The following NSRP1 variants were observed in gnomAD, a reference collection of about 807,000 sequenced individuals.
The protein encoded by NSRP1 is coiled-coil domain containing 55.
Under a neutral mutation model 54.7 loss-of-function variants are expected in NSRP1, and 24 were observed. The observed-to-expected ratio is 0.44, with a 90% CI of 0.32 to 0.62. The LOEUF (loss-of-function observed/expected upper bound fraction) is 0.62. Among genes scored for constraint, NSRP1 ranks in the 20% least tolerant of loss-of-function variants. The pLI is 0.06. For synonymous variants in NSRP1, 210 were observed against 213.8 expected (o/e 0.98, Z 0.15); for missense variants, 596 against 651.2 (o/e 0.92, Z 0.92).
chr17:30,126,652 G>A (rs2071652323), intron 2 of NSRP1, among the ~76,000 whole-genome samples: 1 of 152,176 alleles, frequency 6.6e-6, no homozygotes, highest in Admixed American at 6.5e-5. Context: ...GCAGTGGTGC[G>A]ATTTTGGGTC....
At chr17:30,146,360 C>A (rs1567796118) in intron 2 of NSRP1, among the ~76,000 whole-genome samples, 2 of 152,154 alleles carry the variant, frequency 1.3e-5, no homozygotes, top group East Asian at 1.9e-4. Flanking sequence ...TAAGGAACTA[C>A]ATGTAAGTGT....
intron 2 of NSRP1, among the ~76,000 whole-genome samples, chr17:30,143,225 C>T (rs555561661): frequency 2.0e-5 from 3 of 152,200 alleles, no homozygotes; most frequent in South Asian, 4.1e-4. Context: ...CATCTCACTC[C>T]TGAATTTATC....
rs562512421 is a variant in NSRP1 at position 30,124,306 on chromosome 17, A to G, written c.114+6133A>G. Among the ~76,000 whole-genome samples the G allele has an allele frequency of 2.0e-5, 3 of 152,308 alleles. No individual in the cohort carries two copies. In the East Asian group the frequency reaches 5.8e-4, roughly 29 times the overall value. On this transcript the variant is annotated intron_variant, in intron 2 of 6. Coordinates refer to ENST00000247026, the MANE Select transcript of NSRP1 (RefSeq NM_032141.4). ...CGATATGAAATGACCACAACATACC[A>G]CAGTTTGAGAAGGATGGGTTTACAC...
intron 2 of NSRP1, among the ~76,000 whole-genome samples, chr17:30,171,970 A>C (rs1042154875): frequency 5.2e-3 from 516 of 98,958 alleles, no homozygotes; most frequent in East Asian, 9.3e-3. Context: ...ACACACACAC[A>C]CACTCCCTCT....
chr17:30,145,497 C>T (rs1328311655), intron 2 of NSRP1, among the ~76,000 whole-genome samples: 5 of 152,072 alleles, frequency 3.3e-5, no homozygotes, highest in Admixed American at 1.3e-4. Flanking sequence ...GCAGGAGAAT[C>T]GCTTGAATCC....
At chr17:30,171,956 A>T in intron 2 of NSRP1, among the ~76,000 whole-genome samples, 1 of 134,780 alleles carries the variant, frequency 7.4e-6, no homozygotes, top group Non-Finnish European at 1.6e-5. Context: ...ACACACACAC[A>T]CACACACACA....
At chr17:30,130,829 C>G (rs181666280) in intron 2 of NSRP1, among the ~76,000 whole-genome samples, 1 of 152,068 alleles carries the variant, frequency 6.6e-6, no homozygotes, top group Non-Finnish European at 1.5e-5. Context: ...TTGAAATTTA[C>G]TGTCATCCAT....
chr17:30,128,539 A>G (rs917874659), intron 2 of NSRP1, among the ~76,000 whole-genome samples: 4 of 152,190 alleles, frequency 2.6e-5, no homozygotes, highest in African/African-American at 7.2e-5. Context: ...AGCAATTCCA[A>G]AAATTAGTAT....
chr17:30,149,300 T>C lies in NSRP1; in HGVS notation c.115-23242T>C, dbSNP rs545544181. Reference sequence around the variant, plus strand: ...CTTGGTCTCGAGTGATCCTCCAACCTTGGCCTCCCAGAGTGTTGGGATTAC... The same window carrying C: ...CTTGGTCTCGAGTGATCCTCCAACCCTGGCCTCCCAGAGTGTTGGGATTAC... On this transcript the variant is annotated intron_variant, in intron 2 of 6. Transcript: ENST00000247026. 2.6e-5 allele frequency among the ~76,000 whole-genome samples: 4 copies of C among 152,242 alleles called. No homozygotes were observed. The South Asian group carries it at 8.3e-4, about 32-fold the overall frequency.
intron 2 of NSRP1, among the ~76,000 whole-genome samples, chr17:30,142,138 C>A (rs958056695): frequency 1.3e-5 from 2 of 152,136 alleles, no homozygotes; most frequent in African/African-American, 4.8e-5. Flanking sequence ...CTCGTCCAAC[C>A]TTAATTCTTT....
chr17:30,120,130 TA>T (rs991009643), intron 2 of NSRP1, among the ~76,000 whole-genome samples: 3 of 152,004 alleles, frequency 2.0e-5, no homozygotes, highest in African/African-American at 7.2e-5. Context: ...GAATTTCATA[TA>T]AAAAAAATCA....
At chr17:30,159,358 T>TGTG (rs1567800555) in intron 2 of NSRP1, among the ~76,000 whole-genome samples, 9 of 151,794 alleles carry the variant, frequency 5.9e-5, no homozygotes, top group African/African-American at 1.9e-4. Context: ...GAGGTTTTTT[T>TGTG]TGTGTGTGTG....
chr17:30,181,006 C>G lies in NSRP1; in HGVS notation c.607C>G (p.Arg203Gly). Residue 203 changes from arginine to glycine, a missense_variant, in exon 6 of 7, where the codon CGT becomes GGT. Arg to Gly is a moderately radical substitution (Grantham distance 125). Coordinates refer to ENST00000247026, the MANE Select transcript of NSRP1 (RefSeq NM_032141.4). The stretch of plus-strand genomic sequence containing the variant: ...AGAGGAAGTACCTAAATGCAGCTTT[C>G]GTGAAGCCAGGTGAGGAGACGTGTA... ...GEEEVPKCSF[R>G]EARSGIKEEK... 6.2e-7 allele frequency: 1 copy of G among 1,602,670 alleles called. No homozygotes were observed.
chr17:30,162,225 T>A (rs1904545209), intron 2 of NSRP1, among the ~76,000 whole-genome samples: 1 of 152,050 alleles, frequency 6.6e-6, no homozygotes, highest in Non-Finnish European at 1.5e-5. Flanking sequence ...AGAGATGGGG[T>A]TTCGCTGTTT....
At chr17:30,154,884 G>A (rs894806349) in intron 2 of NSRP1, among the ~76,000 whole-genome samples, 1 of 152,096 alleles carries the variant, frequency 6.6e-6, no homozygotes, top group African/African-American at 2.4e-5. Flanking sequence ...CACTGGAAAA[G>A]TTTTAGATTT....
At chr17:30,151,930 C>T (rs1394588655) in intron 2 of NSRP1, among the ~76,000 whole-genome samples, 6 of 151,352 alleles carry the variant, frequency 4.0e-5, no homozygotes, top group Non-Finnish European at 7.4e-5. Flanking sequence ...CCACCACGCC[C>T]GGGTAATTTT....
chr17:30,152,903 C>CTTTTTTTTTTTTTTTTT (rs60246615), intron 2 of NSRP1, among the ~76,000 whole-genome samples: 5 of 46,854 alleles, frequency 1.1e-4, no homozygotes, highest in African/African-American at 2.3e-4. Context: ...TTATTTTCAG[C>CTTTTTTTTTTTTTTTTT]TTTTTTTTTT....
intron 2 of NSRP1, among the ~76,000 whole-genome samples, chr17:30,141,685 C>T (rs982580080): frequency 2.0e-5 from 3 of 152,088 alleles, no homozygotes; most frequent in African/African-American, 7.2e-5. Flanking sequence ...AATTGGTTAT[C>T]GTGACAATTT....
intron 2 of NSRP1, among the ~76,000 whole-genome samples, chr17:30,145,880 C>T (rs2071849990): frequency 6.6e-6 from 1 of 152,074 alleles, no homozygotes; most frequent in Admixed American, 6.5e-5. Context: ...GACAAGGACC[C>T]ACACTGTTCC....
Sources: allele counts gnomAD v4.1 joint callset (sites outside exome capture counted in the v4.1 genomes callset), GRCh38; gene constraint gnomAD v4.1.1; transcripts MANE v1.5; gene names NCBI Gene and HGNC (gene_info 2026-07-23, HGNC 2026-07-21).